Variants in TMEM177 observed in about 807,000 individuals in gnomAD.
TMEM177 encodes transmembrane protein 177.
In TMEM177, 4 loss-of-function variants were observed where a neutral mutation model predicts 14.2. That is an observed-to-expected ratio of 0.28 (90% CI 0.14 to 0.64). The LOEUF is 0.64. TMEM177 is among the 30% of genes least tolerant of loss of function. The pLI, the probability that TMEM177 is intolerant of heterozygous loss-of-function variation, is 0.82. For missense variants in TMEM177, 344 were observed against 405.2 expected (o/e 0.85, Z 1.30); for synonymous variants, 179 against 174.5 (o/e 1.03, Z -0.20).
At chr2:119,711,001 A>G in the TMEM177 span, among the ~76,000 whole-genome samples, 6 of 152,166 alleles carry the variant, frequency 3.9e-5, no homozygotes, top group African/African-American at 7.2e-5. Flanking sequence ...CGAAAAGATT[A>G]TCTTCCCCAT....
In TMEM177 at chr2:119,681,732, C is replaced by G. The variant is rs779253704; in HGVS notation, c.879C>G (p.Thr293=). Residue 293 remains threonine (T), a synonymous_variant, in exon 2 of 2, where the codon ACC becomes ACG. Transcript: ENST00000272521. ...GAATCAAACATTTACCCTACACCAC[C>G]CGCCGGGACTCTGTGCTGCAGATGT... The part of the protein sequence containing the change: ...LFRIKHLPYT[T]RRDSVLQMWR... The G allele has an allele frequency of 1.2e-6, 2 of 1,614,168 alleles. No homozygotes were observed. Among genetic ancestry groups the G allele is most frequent in the Admixed American group, 3.3e-5 (2 of 60,024 alleles).
chr2:119,686,696 C>CTGGG (rs1689020811), downstream of TMEM177, among the ~76,000 whole-genome samples: 1 of 147,820 alleles, frequency 6.8e-6, no homozygotes, highest in Non-Finnish European at 1.5e-5. Context: ...CCCCCTAGTA[C>CTGGG]TGGGAATACA....
chr2:119,694,069 CACA>C, the TMEM177 span, among the ~76,000 whole-genome samples: 1 of 1,590 alleles, frequency 6.3e-4, no homozygotes, highest in Non-Finnish European at 2.9e-3. Flanking sequence ...GCAACATACA[CACA>C]CAACATACAC....
the TMEM177 span, among the ~76,000 whole-genome samples, chr2:119,708,608 T>C: frequency 6.6e-6 from 1 of 151,768 alleles, no homozygotes; most frequent in Non-Finnish European, 1.5e-5. Flanking sequence ...CGTCTTTTAA[T>C]CTTAAGCAGT....
At chr2:119,713,599 G>A in the TMEM177 span, among the ~76,000 whole-genome samples, 1 of 152,092 alleles carries the variant, frequency 6.6e-6, no homozygotes, top group East Asian at 1.9e-4. Context: ...CAGCACTTTG[G>A]GAGCCCGAGG....
rs762746225 is a variant in TMEM177, at chr2:119,681,258, A to C, written c.405A>C (p.Ala135=). The change falls in exon 2 of 2, where the codon GCA becomes GCC. Residue 135 remains alanine (A), a synonymous_variant. Transcript: ENST00000272521. The stretch of plus-strand genomic sequence containing the variant: ...ATACAGTGGACTGGCGGAGCCCAGC[A>C]GGCGCCCGGCTGAGAGCTTCCCTGA... ...HGHTVDWRSP[A]GARLRASLTL... 2 of 1,614,258 alleles carry C rather than the reference A, an allele frequency of 1.2e-6. No individual in the cohort carries two copies. Among genetic ancestry groups the C allele is most frequent in the Middle Eastern group, 1.6e-4 (1 of 6,062 alleles).
At chr2:119,699,594 C>A in the TMEM177 span, among the ~76,000 whole-genome samples, 2 of 152,190 alleles carry the variant, frequency 1.3e-5, no homozygotes, top group African/African-American at 4.8e-5. Context: ...GGCTCCTCCC[C>A]ACTGCAAAAG....
chr2:119,703,446 T>C, the TMEM177 span, among the ~76,000 whole-genome samples: 3,078 of 152,260 alleles, frequency 0.02, 112 homozygotes, highest in African/African-American at 0.07. Flanking sequence ...ATCACACTCA[T>C]TGAGCAGGGG....
the TMEM177 span, among the ~76,000 whole-genome samples, chr2:119,722,476 A>G: frequency 6.6e-6 from 1 of 152,208 alleles, no homozygotes; most frequent in African/African-American, 2.4e-5. Flanking sequence ...AGCACCATAT[A>G]TAAGAGAGAA....
the TMEM177 span, among the ~76,000 whole-genome samples, chr2:119,706,544 T>G: frequency 1.3e-5 from 2 of 152,202 alleles, no homozygotes; most frequent in Non-Finnish European, 2.9e-5. Flanking sequence ...TGACTTTGCT[T>G]CTTTTATGTT....
Position 119,681,060 on chromosome 2 carries a change from A to G in TMEM177, c.207A>G (p.Leu69=). 4 of 1,614,240 alleles carry G rather than the reference A, an allele frequency of 2.5e-6. No individual in the cohort carries two copies. The highest frequency in any genetic ancestry group is 3.4e-6 in the Non-Finnish European group (4 of 1,180,046). Residue 69 remains leucine, a synonymous_variant, in exon 2 of 2, where the codon CTA becomes CTG. Coordinates refer to ENST00000272521, the MANE Select transcript of TMEM177 (RefSeq NM_030577.3). Reference sequence around the variant, plus strand: ...TGCAGAGCCTCTTCCAAGAGGTGCTACAGGACATAGGTGTTCCTTCAGGCC... The same window carrying G: ...TGCAGAGCCTCTTCCAAGAGGTGCTGCAGGACATAGGTGTTCCTTCAGGCC... ...PQLQSLFQEV[L]QDIGVPSGHC...
chr2:119,700,080 C>T, the TMEM177 span: 119 of 261,362 alleles, frequency 4.6e-4, 1 homozygote, highest in African/African-American at 2.5e-3. Context: ...TGTTCCTAAA[C>T]CAGAAGAGGA....
At chr2:119,707,061 A>G in the TMEM177 span, among the ~76,000 whole-genome samples, 8 of 151,870 alleles carry the variant, frequency 5.3e-5, no homozygotes, top group Non-Finnish European at 8.8e-5. Context: ...ACAGGCGCCC[A>G]CCACAACGCC....
At chr2:119,707,514 G>A in the TMEM177 span, among the ~76,000 whole-genome samples, 3 of 152,200 alleles carry the variant, frequency 2.0e-5, no homozygotes, top group South Asian at 4.1e-4. Context: ...ACACAGAAAC[G>A]TTCTTGGTTT....
downstream of TMEM177, among the ~76,000 whole-genome samples, chr2:119,684,608 A>G (rs1396731223): frequency 6.6e-6 from 1 of 152,238 alleles, no homozygotes; most frequent in Non-Finnish European, 1.5e-5. Flanking sequence ...GCTATAACAG[A>G]CACAGCCCCA....
At chr2:119,694,706 C>T in the TMEM177 span, among the ~76,000 whole-genome samples, 5 of 152,238 alleles carry the variant, frequency 3.3e-5, no homozygotes, top group African/African-American at 9.6e-5. Flanking sequence ...CCTTCTCTGT[C>T]GTACACGCCC....
chr2:119,688,276 G>T (rs1330112140), downstream of TMEM177, among the ~76,000 whole-genome samples: 1 of 152,204 alleles, frequency 6.6e-6, no homozygotes, highest in African/African-American at 2.4e-5. Context: ...TAAAGTAGTT[G>T]TGTTATAGGG....
downstream of TMEM177, among the ~76,000 whole-genome samples, chr2:119,684,344 A>C (rs1293759616): frequency 6.6e-6 from 1 of 152,112 alleles, no homozygotes; most frequent in Non-Finnish European, 1.5e-5. Flanking sequence ...TCTCCCAGGG[A>C]AGCCTCCCTG....
At chr2:119,711,473 G>A in the TMEM177 span, among the ~76,000 whole-genome samples, 3 of 152,234 alleles carry the variant, frequency 2.0e-5, no homozygotes, top group African/African-American at 4.8e-5. Flanking sequence ...TCAATAAAAC[G>A]AGGAAGAGAA....
Sources: allele counts gnomAD v4.1 joint callset (sites outside exome capture counted in the v4.1 genomes callset), GRCh38; gene constraint gnomAD v4.1.1; transcripts MANE v1.5; gene names NCBI Gene and HGNC (gene_info 2026-07-23, HGNC 2026-07-21).